The following DNAH10 variants were observed in gnomAD, a reference collection of about 807,000 sequenced individuals.
DNAH10 encodes the protein axonemal beta dynein heavy chain 10.
Under a neutral mutation model 506.6 loss-of-function variants are expected in DNAH10, and 348 were observed. The ratio of observed to expected loss-of-function variants is 0.69; its 90% CI spans 0.63 to 0.75. DNAH10 has a LOEUF of 0.75. Among genes scored for constraint, DNAH10 ranks in the 30% least tolerant of loss-of-function variants. The pLI is 0.00. For synonymous variants in DNAH10, 2,059 were observed against 2,198.6 expected (o/e 0.94, Z 1.78); for missense variants, 5,179 against 5,787.1 (o/e 0.89, Z 3.41).
At chr12:123,873,215 C>T (rs1375633847) in intron 45 of DNAH10, among the ~76,000 whole-genome samples, 1 of 152,232 alleles carries the variant, frequency 6.6e-6, no homozygotes, top group African/African-American at 2.4e-5. Context: ...GATCGTCTTA[C>T]AAGTGAGAAA....
chr12:123,804,698 T>C, intron 17 of DNAH10, 135 bp from the exon 18 acceptor site: 1 of 756,224 alleles, frequency 1.3e-6, no homozygotes, highest in East Asian at 2.5e-5. Flanking sequence ...TGATATTGAC[T>C]TATGTTCTGC....
At chr12:123,778,008 AAC>A (rs534343030) in intron 5 of DNAH10, among the ~76,000 whole-genome samples, 66 of 152,206 alleles carry the variant, frequency 4.3e-4, no homozygotes, top group African/African-American at 1.5e-3. Flanking sequence ...ATTCTAAAAT[AAC>A]AAAATAACAT....
chr12:123,866,112 A>G lies in DNAH10; in HGVS notation c.7167+39A>G, dbSNP rs770281736. ...CTAAAATGAACTTAAATTTATTAGT[A>G]TTGATGGCTAGTTGGATAACATAGT... On this transcript the variant is annotated intron_variant, in intron 41 of 78. Coordinates refer to ENST00000673944, the MANE Select transcript of DNAH10 (RefSeq NM_001372106.1). 6.0e-6 allele frequency: 9 copies of G among 1,495,662 alleles called. No individual in the cohort carries two copies. The Admixed American group carries it at 1.5e-4, about 25-fold the overall frequency. The allele number at this position is 1,495,662 out of a possible 1,614,324, so 92.6% of individuals were successfully genotyped here.
chr12:123,773,050 C>A, intron 4 of DNAH10, 108 bp downstream of exon 4: 1 of 746,160 alleles, frequency 1.3e-6, no homozygotes, highest in Non-Finnish European at 2.2e-6. Flanking sequence ...TCACCTATGC[C>A]AAGCTCTCTT....
chr12:123,899,695 C>A (rs894948859), intron 56 of DNAH10, among the ~76,000 whole-genome samples: 1 of 152,196 alleles, frequency 6.6e-6, no homozygotes, highest in Non-Finnish European at 1.5e-5. Flanking sequence ...AATATAAAGA[C>A]TGAAGATTAT....
chr12:123,898,755 C>T lies in DNAH10; in HGVS notation c.9581C>T (p.Ala3194Val), dbSNP rs142274984. The change falls in exon 56 of 79, where the codon GCG becomes GTG. Residue 3194 changes from alanine (A) to valine (V), a missense_variant. Physicochemically the swap from Ala to Val is moderately conservative, Grantham distance 64. This residue lies in a region of DNAH10 where 4,844 missense variants were observed against 5,430.5 expected (regional missense o/e 0.89). Transcript: ENST00000673944. ...CTGGCCGAGCAGAAGATCGTGCTGG[C>T]GGAGAAGTCCGCCGCCTGCGAGGCC... ...QKLAEQKIVLAEKSAACEALL... is the reference protein window; with the variant it reads ...QKLAEQKIVLVEKSAACEALL... 89 of 1,612,176 alleles carry T rather than the reference C, an allele frequency of 5.5e-5. No homozygotes were observed. Among genetic ancestry groups the T allele is most frequent in the African/African-American group, 5.5e-4 (41 of 75,002 alleles).
rs1246367677 is a variant in DNAH10, at chr12:123,919,089, T to A, written c.11506+140T>A. ...TCTTTCTTTCTTTCTTTTTCTTTTT[T>A]TTTTGAGATAGGGTCTTGCTCCATC... On this transcript the variant is annotated intron_variant, in intron 65 of 78. Coordinates refer to ENST00000673944, the MANE Select transcript of DNAH10 (RefSeq NM_001372106.1). The surrounding 1 kb of genome is among the most constrained non-coding windows in gnomAD (Gnocchi z 4.9). 8.6e-7 allele frequency: 1 copy of A among 1,162,658 alleles called. No homozygotes were observed. The highest frequency in any genetic ancestry group is 1.2e-6 in the Non-Finnish European group (1 of 858,358). 72.0% of individuals were successfully genotyped at this position (1,162,658 alleles called of 1,614,324 possible). A position where few individuals can be genotyped will look rare whatever the true frequency, so the allele number is the denominator to read the frequency against.
intron 2 of DNAH10, among the ~76,000 whole-genome samples, chr12:123,769,915 GGC>G (rs1957184773): frequency 4.5e-5 from 1 of 22,270 alleles, no homozygotes; most frequent in South Asian, 1.9e-3. Flanking sequence ...CACCATGCCT[GGC>G]TAAGGTTTTT....
At chr12:123,831,915 A>T (rs980002335) in intron 26 of DNAH10, among the ~76,000 whole-genome samples, 1 of 152,062 alleles carries the variant, frequency 6.6e-6, no homozygotes, top group African/African-American at 2.4e-5. Context: ...AAAAAAAAAA[A>T]AAAAGGAAAG....
rs776564529 is a variant in DNAH10 at position 123,853,172 on chromosome 12, C to G, written c.6292-34C>G. The G allele has an allele frequency of 1.6e-5, 24 of 1,485,246 alleles. No homozygotes were observed. The highest frequency in any genetic ancestry group is 4.1e-5 in the South Asian group (3 of 73,946). The allele number at this position is 1,485,246 out of a possible 1,614,324, so 92.0% of individuals were successfully genotyped here. On this transcript the variant is annotated intron_variant, in intron 35 of 78. Transcript: ENST00000673944. The surrounding 1 kb of genome is among the most constrained non-coding windows in gnomAD (Gnocchi z 4.7). ...TTGCTTTTGAATCATTTTCTTTTTTCTTTTTTTTTGTATTATTATCTTCTA... is the reference window on the plus strand; with the variant it reads ...TTGCTTTTGAATCATTTTCTTTTTTGTTTTTTTTTGTATTATTATCTTCTA...
rs368118229 is a variant in DNAH10, at chr12:123,813,147, A to G, written c.3145-17A>G. ...ATACTAAAATACTGTCTTTTCTCCT[A>G]ATTCTTACTTTGCCAGCATTTTGTT... On this transcript the variant is annotated splice_polypyrimidine_tract_variant and intron_variant, in intron 19 of 78. Transcript: ENST00000673944. 48 of 1,583,556 alleles carry G rather than the reference A, an allele frequency of 3.0e-5. No individual in the cohort carries two copies. In the African/African-American group the frequency reaches 5.8e-4, roughly 19 times the overall value.
At position 123,880,681 on chromosome 12, in the gene DNAH10, A is replaced by G. The variant is rs150663408; in HGVS notation, c.8634+880A>G. Among the ~76,000 whole-genome samples, 128 of 150,688 alleles carry G rather than the reference A, an allele frequency of 8.5e-4. 1 individual carries two copies. The highest frequency in any genetic ancestry group is 3.0e-3 in the African/African-American group (123 of 40,972). ...TTTTTTTTTTAATGCTTTAAATTCT[A>G]GGGTACATGTGCACAACATGCAGGT... On this transcript the variant is annotated intron_variant, in intron 50 of 78. Coordinates refer to ENST00000673944, the MANE Select transcript of DNAH10 (RefSeq NM_001372106.1).
rs776466879 is a variant in DNAH10, at chr12:123,934,225, C to A, written c.13478-396C>A. On this transcript the variant is annotated intron_variant, in intron 77 of 78. Coordinates refer to ENST00000673944, the MANE Select transcript of DNAH10 (RefSeq NM_001372106.1). ...TTCTCTGTGAGGCTTCGACTTCCTGCTCCCCAGCCACTTCGGCTCACAGGG... is the reference window on the plus strand; with the variant it reads ...TTCTCTGTGAGGCTTCGACTTCCTGATCCCCAGCCACTTCGGCTCACAGGG... 3.3e-5 allele frequency: 23 copies of A among 701,464 alleles called. No individual in the cohort carries two copies. The Admixed American group carries it at 4.6e-4, about 14-fold the overall frequency. The allele number at this position is 701,464 out of a possible 1,614,324, so 43.5% of individuals were successfully genotyped here. A position where few individuals can be genotyped will look rare whatever the true frequency, so the allele number is the denominator to read the frequency against.
chr12:123,818,167 G>C (rs1959178480), intron 21 of DNAH10, among the ~76,000 whole-genome samples: 1 of 151,964 alleles, frequency 6.6e-6, no homozygotes, highest in Non-Finnish European at 1.5e-5. Context: ...GGCTGGTCTT[G>C]AACGCCTGAC....
intron 11 of DNAH10, among the ~76,000 whole-genome samples, chr12:123,793,592 C>T (rs1220458610): frequency 1.3e-5 from 2 of 152,150 alleles, no homozygotes; most frequent in Non-Finnish European, 2.9e-5. Context: ...CCCGTCTCGG[C>T]CTCCCAAAGT....
At chr12:123,924,897 G>A (rs1240092180) in intron 67 of DNAH10, among the ~76,000 whole-genome samples, 153 bp from the exon 68 acceptor site, 1 of 152,170 alleles carries the variant, frequency 6.6e-6, no homozygotes, top group East Asian at 1.9e-4. Context: ...TAGCCTTTGG[G>A]GGTAGAGAAT....
At position 123,916,808 on chromosome 12, in the gene DNAH10, T is replaced by A; in HGVS notation, c.11002+72T>A. 6.6e-7 allele frequency: 1 copy of A among 1,507,782 alleles called. No individual in the cohort carries two copies. The highest frequency in any genetic ancestry group is 8.9e-7 in the Non-Finnish European group (1 of 1,128,510). 93.4% of individuals were successfully genotyped at this position (1,507,782 alleles called of 1,614,324 possible). A position where few individuals can be genotyped will look rare whatever the true frequency, so the allele number is the denominator to read the frequency against. On this transcript the variant is annotated intron_variant, in intron 63 of 78. Transcript: ENST00000673944. The surrounding 1 kb of genome is among the most constrained non-coding windows in gnomAD (Gnocchi z 4.6). ...GAGACCGCAACCTCAGATCAAGGCA[T>A]TCATGGGACATCATTTCACTCAGTG...
rs758171643 is a variant in DNAH10 at position 123,774,138 on chromosome 12, T to C, written c.506-11T>C. 12 of 1,584,002 alleles carry C rather than the reference T, an allele frequency of 7.6e-6. No individual in the cohort carries two copies. The East Asian group carries it at 2.5e-4, about 33-fold the overall frequency. ...CCACTGACCTTACATTCTACACCTG[T>C]TCTTCTTTAGAGGCAATCTCTGAAG... On this transcript the variant is annotated splice_polypyrimidine_tract_variant and intron_variant, in intron 4 of 78. Transcript: ENST00000673944.
chr12:123,926,486 A>G lies in DNAH10; in HGVS notation c.11922-151A>G. The G allele has an allele frequency of 1.3e-6, 1 of 794,298 alleles. No homozygotes were observed. The highest frequency in any genetic ancestry group is 1.9e-6 in the Non-Finnish European group (1 of 522,984). 49.2% of individuals were successfully genotyped at this position (794,298 alleles called of 1,614,324 possible). A position where few individuals can be genotyped will look rare whatever the true frequency, so the allele number is the denominator to read the frequency against. On this transcript the variant is annotated intron_variant, in intron 68 of 78. Coordinates refer to ENST00000673944, the MANE Select transcript of DNAH10 (RefSeq NM_001372106.1). The surrounding 1 kb of genome is among the most constrained non-coding windows in gnomAD (Gnocchi z 4.1). The stretch of plus-strand genomic sequence containing the variant: ...GGTGGGAGACGTGCATAGAAACTAG[A>G]ATCTAAAACAGGGAAGACTGCAACG...
Sources: allele counts gnomAD v4.1 joint callset (sites outside exome capture counted in the v4.1 genomes callset), GRCh38; gene constraint gnomAD v4.1.1; regional missense constraint gnomAD v4.1.1; non-coding constraint Gnocchi (gnomAD v3.1); transcripts MANE v1.5; gene names NCBI Gene and HGNC (gene_info 2026-07-23, HGNC 2026-07-21).